ATM: variants seen among roughly 807,000 people sequenced by gnomAD.
ATM encodes serine-protein kinase ATM.
Under a neutral mutation model 387.0 loss-of-function variants are expected in ATM, and 308 were observed. The observed-to-expected ratio is 0.80, with a 90% confidence interval of 0.73 to 0.87. The LOEUF (loss-of-function observed/expected upper bound fraction) is 0.87, where lower values mean the gene tolerates loss of function less well. Among genes scored for constraint, ATM ranks in the 40% least tolerant of loss-of-function variants. The probability of loss-of-function intolerance (pLI) is 0.00; values close to 1 mark genes in which losing one functional copy is unlikely to be tolerated. For missense variants in ATM, 3,312 were observed against 3,560.9 expected (o/e 0.93, Z 1.78); for synonymous variants, 1,156 against 1,187.3 (o/e 0.97, Z 0.54).
At position 108,256,418 on chromosome 11, in the gene ATM, G is replaced by A. The variant is rs2235010; in HGVS notation, c.2250+78G>A. On this transcript the variant is annotated intron_variant, in intron 14 of 62. Transcript: ENST00000675843. Reference sequence around the variant, plus strand: ...CCTGTGAAAATTATTACATTTGTTTGGAAGACATTAAATTTTATGCAGGTT... The same window carrying A: ...CCTGTGAAAATTATTACATTTGTTTAGAAGACATTAAATTTTATGCAGGTT... 0.013 allele frequency: 18,954 copies of A among 1,475,606 alleles called. 161 individuals carry two copies. Among genetic ancestry groups the A allele is most frequent in the Non-Finnish European group, 0.016 (17,011 of 1,072,122 alleles). 91.4% of individuals were successfully genotyped at this position (1,475,606 alleles called of 1,614,324 possible).
intron 25 of ATM, among the ~76,000 whole-genome samples, chr11:108,283,766 A>T (rs565597928): frequency 6.6e-5 from 10 of 152,342 alleles, no homozygotes; most frequent in African/African-American, 2.4e-4. Flanking sequence ...ATGAAAAGTC[A>T]GTCCTCTGTA....
chr11:108,241,742 CTTT>C lies in ATM; in HGVS notation c.497-2188_497-2186del, dbSNP rs1206745957. The stretch of plus-strand genomic sequence containing the variant: ...TCTTTCTTTCTGTCTTTCTTTCTTT[CTTT>C]TTTTTTTTTTTTTTTTTTTTTTGAG... On this transcript the variant is annotated intron_variant, in intron 5 of 62. Transcript: ENST00000675843. Among the ~76,000 whole-genome samples, 74 of 45,346 alleles carry C rather than the reference CTTT, an allele frequency of 1.6e-3. 1 individual carries two copies. The highest frequency in any genetic ancestry group is 5.3e-3 in the African/African-American group (73 of 13,858). 29.7% of individuals were successfully genotyped at this position (45,346 alleles called of 152,430 possible). A position where few individuals can be genotyped will look rare whatever the true frequency, so the allele number is the denominator to read the frequency against.
intron 60 of ATM, among the ~76,000 whole-genome samples, chr11:108,354,565 C>T (rs1424855904): frequency 6.6e-6 from 1 of 152,154 alleles, no homozygotes; most frequent in African/African-American, 2.4e-5. Context: ...TGGTGCATGC[C>T]TGTAATCAAT....
chr11:108,312,923 G>A (rs1311759755), intron 40 of ATM, among the ~76,000 whole-genome samples: 1 of 152,166 alleles, frequency 6.6e-6, no homozygotes, highest in African/African-American at 2.4e-5. Flanking sequence ...TGTCTGGGAT[G>A]CTTGCCGAAT....
chr11:108,254,046 T>A lies in ATM; in HGVS notation c.2124+7T>A. 6.2e-7 allele frequency: 1 copy of A among 1,612,034 alleles called. No homozygotes were observed. Among genetic ancestry groups the A allele is most frequent in the Non-Finnish European group, 8.5e-7 (1 of 1,178,908 alleles). On this transcript the variant is annotated splice_region_variant and intron_variant, in intron 13 of 62. Coordinates refer to ENST00000675843, the MANE Select transcript of ATM (RefSeq NM_000051.4). Reference sequence around the variant, plus strand: ...GAATAATTACTCATCTGAGGTGAGATTTTTTAAAAAAAGAACTAAGCTTAT... The same window carrying A: ...GAATAATTACTCATCTGAGGTGAGAATTTTTAAAAAAAGAACTAAGCTTAT...
chr11:108,314,098 G>A (rs1235101929), intron 40 of ATM, among the ~76,000 whole-genome samples: 1 of 152,038 alleles, frequency 6.6e-6, no homozygotes, highest in Non-Finnish European at 1.5e-5. Context: ...TTGTAGGACT[G>A]TATTTTCTAA....
chr11:108,273,466 T>C (rs779294796), intron 22 of ATM, among the ~76,000 whole-genome samples: 29 of 150,772 alleles, frequency 1.9e-4, no homozygotes, highest in Non-Finnish European at 3.5e-4. Flanking sequence ...CTCATCCTCC[T>C]GAGTAGCTGG....
intron 5 of ATM, among the ~76,000 whole-genome samples, chr11:108,241,398 A>C (rs1371056549): frequency 6.6e-6 from 1 of 152,230 alleles, no homozygotes; most frequent in Non-Finnish European, 1.5e-5. Context: ...TATCATTATC[A>C]AGGTTTATGT....
At chr11:108,326,344 A>C in intron 47 of ATM, 119 bp downstream of exon 47, 3 of 1,325,016 alleles carry the variant, frequency 2.3e-6, no homozygotes. Flanking sequence ...ATTTATTAAC[A>C]AGATATTGTA....
At position 108,367,526 on chromosome 11, in the gene ATM, A is replaced by G. The variant is rs1169619759; in HGVS notation, c.*2018A>G. ...TGAAAGTAAAACTACTGACTCGTGT[A>G]TTAGTGAGTATAATCTCTTCTCCAT... On this transcript the variant is annotated 3_prime_UTR_variant, in exon 63 of 63. Transcript: ENST00000675843. The G allele has an allele frequency of 4.9e-6, 1 of 204,532 alleles. No homozygotes were observed. Among genetic ancestry groups the G allele is most frequent in the Admixed American group, 6.0e-5 (1 of 16,784 alleles). 12.7% of individuals were successfully genotyped at this position (204,532 alleles called of 1,614,324 possible).
At chr11:108,343,455 CAAAA>C (rs923031156) in intron 57 of ATM, 84 bp downstream of exon 57, 1 of 1,520,404 alleles carries the variant, frequency 6.6e-7, no homozygotes, top group African/African-American at 1.4e-5. Flanking sequence ...TTATAGAATA[CAAAA>C]AAACTTTAAT....
rs1377840647 is a variant in ATM, at chr11:108,271,076, T to G, written c.2851T>G (p.Leu951Val). ...SLHLHMYLMLLKELPGEEYPL... is the reference protein window; with the variant it reads ...SLHLHMYLMLVKELPGEEYPL... ...CCTACCATCTTAGTATCTAATGCTT[T>G]TAAAGGAGCTTCCTGGAGAAGAGTA... The change falls in exon 19 of 63, where the codon TTA (leucine) becomes GTA (valine). Residue 951 changes from leucine (L) to valine (V), a missense_variant. This residue lies in a region of ATM where 1,791 missense variants were observed against 1,804.5 expected (regional missense o/e 0.99). Transcript: ENST00000675843. 1.2e-6 allele frequency: 2 copies of G among 1,613,916 alleles called. No homozygotes were observed. The highest frequency in any genetic ancestry group is 1.7e-6 in the Non-Finnish European group (2 of 1,179,926).
intron 38 of ATM, 123 bp from the exon 39 acceptor site, chr11:108,310,037 G>A (rs1183023483): frequency 2.1e-6 from 2 of 957,412 alleles, no homozygotes; most frequent in Non-Finnish European, 3.1e-6. Context: ...GGGGAAATGT[G>A]GTTTTTGGGA....
rs587778067 is a variant in ATM at position 108,259,058 on chromosome 11, G to A, written c.2449G>A (p.Asp817Asn). 2 of 1,613,296 alleles carry A rather than the reference G, an allele frequency of 1.2e-6. No homozygotes were observed. Among genetic ancestry groups the A allele is most frequent in the Non-Finnish European group, 8.5e-7 (1 of 1,179,724 alleles). ...ATCAAAGCTAATGAATGACATTGCAGATATTTGTAAAAGTTTAGTAAGTAT... is the reference window on the plus strand; with the variant it reads ...ATCAAAGCTAATGAATGACATTGCAAATATTTGTAAAAGTTTAGTAAGTAT... ...LTSKLMNDIA[D>N]ICKSLASFIK... Residue 817 changes from aspartate to asparagine, a missense_variant, in exon 16 of 63, where the codon GAT (aspartate) becomes AAT (asparagine). Transcript: ENST00000675843.
At chr11:108,254,918 G>T (rs1355169663) in intron 13 of ATM, among the ~76,000 whole-genome samples, 1 of 152,182 alleles carries the variant, frequency 6.6e-6, no homozygotes, top group Non-Finnish European at 1.5e-5. Flanking sequence ...CGAAGTGCTA[G>T]GATTACAGGC....
intron 56 of ATM, among the ~76,000 whole-genome samples, chr11:108,342,828 C>T (rs2087757857): frequency 6.6e-6 from 1 of 152,152 alleles, no homozygotes; most frequent in Admixed American, 6.6e-5. Context: ...AGACCACATT[C>T]ATGGGTAATA....
At chr11:108,229,847 ATTTT>A (rs750166641) in intron 4 of ATM, 2 of 136,650 alleles carry the variant, frequency 1.5e-5, no homozygotes, top group Non-Finnish European at 3.2e-5. Context: ...TGCCAGGCTG[ATTTT>A]TTTTTTTTTT....
intron 18 of ATM, among the ~76,000 whole-genome samples, chr11:108,269,167 C>T (rs1212346104): frequency 6.6e-6 from 1 of 152,162 alleles, no homozygotes; most frequent in Non-Finnish European, 1.5e-5. Flanking sequence ...AACAAGGATA[C>T]ACTTCTGTTT....
Position 108,360,731 on chromosome 11 carries a change from T to G in ATM, c.8851-4351T>G, listed in dbSNP as rs1394074400. ...TCTCAATAGATGCAGAAAAAGCCTT[T>G]GACAAAATTCAACAACCCTTCATGC... is the stretch of plus-strand genomic sequence containing the variant. On this transcript the variant is annotated intron_variant, in intron 61 of 62. Transcript: ENST00000675843. 3.0e-4 allele frequency among the ~76,000 whole-genome samples: 42 copies of G among 139,112 alleles called. No homozygotes were observed. The South Asian group carries it at 5.6e-3, about 19-fold the overall frequency. 91.3% of individuals were successfully genotyped at this position (139,112 alleles called of 152,430 possible). A position where few individuals can be genotyped will look rare whatever the true frequency, so the allele number is the denominator to read the frequency against.
Sources: allele counts gnomAD v4.1 joint callset (sites outside exome capture counted in the v4.1 genomes callset), GRCh38; gene constraint gnomAD v4.1.1; regional missense constraint gnomAD v4.1.1; transcripts MANE v1.5; gene names NCBI Gene and HGNC (gene_info 2026-07-23, HGNC 2026-07-21).